Variants in PDE3A observed in about 807,000 individuals in gnomAD.
PDE3A encodes cGMP-inhibited 3',5'-cyclic phosphodiesterase 3A.
A neutral mutation model predicts 98.3 loss-of-function variants in PDE3A; 43 were observed. The observed-to-expected ratio is 0.44, with a 90% CI of 0.34 to 0.56. The LOEUF (loss-of-function observed/expected upper bound fraction) is 0.56. Ranked by LOEUF, PDE3A falls within the 20% of genes least tolerant of loss-of-function variation. PDE3A has a pLI of 0.01. For synonymous variants in PDE3A, 663 were observed against 567.9 expected (o/e 1.17, Z -2.38); for missense variants, 1,427 against 1,440.7 (o/e 0.99, Z 0.15).
rs748938027 is a variant in PDE3A, at chr12:20,370,234, C to T, written c.950C>T (p.Pro317Leu). Residue 317 changes from proline to leucine, a missense_variant, in exon 1 of 16, where the codon CCG becomes CTG. Around this residue, in one of 3 missense-constraint regions of PDE3A, gnomAD observed 1,012 missense variants for 886.5 expected, o/e 1.14. Coordinates refer to ENST00000359062, the MANE Select transcript of PDE3A (RefSeq NM_000921.5). ...CGGAGGACCTCCCTGCCCTGTATAC[C>T]GAGGGAACAGGTAAGCACTGGCAAC... Reference protein sequence around the residue: ...SHRRTSLPCIPREQLMGHSEW... With the variant: ...SHRRTSLPCILREQLMGHSEW... 3 of 1,557,500 alleles carry T rather than the reference C, an allele frequency of 1.9e-6. No homozygotes were observed. The highest frequency in any genetic ancestry group is 2.7e-5 in the African/African-American group (2 of 72,752).
intron 1 of PDE3A, among the ~76,000 whole-genome samples, chr12:20,531,165 C>G (rs1239732342): frequency 6.6e-6 from 1 of 152,114 alleles, no homozygotes; most frequent in Middle Eastern, 3.2e-3. Context: ...CGAAATTGTT[C>G]CATTTATTCT....
chr12:20,635,157 A>G (rs1274446220), intron 8 of PDE3A, 101 bp downstream of exon 8: 10 of 1,082,226 alleles, frequency 9.2e-6, no homozygotes, highest in Middle Eastern at 2.1e-4. Context: ...AAGGTGGCTC[A>G]CACCTGTAAT....
At chr12:20,504,426 A>C (rs1946078703) in intron 1 of PDE3A, among the ~76,000 whole-genome samples, 1 of 152,132 alleles carries the variant, frequency 6.6e-6, no homozygotes. Flanking sequence ...TATTCTTCTA[A>C]GATGACTGTA....
At chr12:20,605,954 ATTAAG>A (rs375692808) in intron 2 of PDE3A, among the ~76,000 whole-genome samples, 88 of 152,316 alleles carry the variant, frequency 5.8e-4, no homozygotes, top group African/African-American at 1.3e-3. Flanking sequence ...AGCCTATTTA[ATTAAG>A]TTATCAATTT....
chr12:20,421,984 A>G (rs57818090), intron 1 of PDE3A, among the ~76,000 whole-genome samples: 5,460 of 152,248 alleles, frequency 0.036, 332 homozygotes, highest in African/African-American at 0.12. Flanking sequence ...TTTCCTCTAT[A>G]AGAATAATTG....
intron 2 of PDE3A, among the ~76,000 whole-genome samples, chr12:20,596,380 C>G (rs768177403): frequency 5.3e-5 from 8 of 152,096 alleles, no homozygotes; most frequent in Non-Finnish European, 1.2e-4. Context: ...CGCTAAATGT[C>G]TTGGTGAGCC....
chr12:20,635,129 G>T, intron 8 of PDE3A, 73 bp downstream of exon 8: 2 of 1,375,406 alleles, frequency 1.5e-6, no homozygotes, highest in African/African-American at 2.9e-5. Flanking sequence ...GCTCAGAAAT[G>T]AATCTTTGAG....
intron 1 of PDE3A, among the ~76,000 whole-genome samples, chr12:20,433,409 T>C (rs903138350): frequency 3.9e-5 from 6 of 152,192 alleles, no homozygotes; most frequent in Non-Finnish European, 5.9e-5. Flanking sequence ...CTATAGGATA[T>C]GAAAGTGGCA....
intron 1 of PDE3A, among the ~76,000 whole-genome samples, chr12:20,407,616 A>G (rs1944256110): frequency 6.6e-6 from 1 of 152,202 alleles, no homozygotes; most frequent in Admixed American, 6.5e-5. Flanking sequence ...GATGGGGTAG[A>G]TGCAAGAAGA....
At position 20,596,054 on chromosome 12, in the gene PDE3A, CT is replaced by C. The variant is rs950434026; in HGVS notation, c.1012-17383del. On this transcript the variant is annotated intron_variant, in intron 2 of 15. Transcript: ENST00000359062. ...AGATTATTTTTGAATTCATTTTGTC[CT>C]TTTTTGCATAGATCTTTGTCTTAAA... Among the ~76,000 whole-genome samples the C allele has an allele frequency of 5.3e-5, 8 of 151,752 alleles. No homozygotes were observed. The South Asian group carries it at 8.3e-4, about 16-fold the overall frequency.
At chr12:20,639,104 A>G (rs1228835667) in intron 9 of PDE3A, among the ~76,000 whole-genome samples, 1 of 152,042 alleles carries the variant, frequency 6.6e-6, no homozygotes, top group Non-Finnish European at 1.5e-5. Flanking sequence ...TTATGATAGC[A>G]GTCAGTTTTA....
At chr12:20,422,340 T>G (rs1236526178) in intron 1 of PDE3A, among the ~76,000 whole-genome samples, 1 of 150,370 alleles carries the variant, frequency 6.7e-6, no homozygotes, top group Non-Finnish European at 1.5e-5. Context: ...CGAGACTCTG[T>G]CTCAAAAAAA....
chr12:20,371,475 A>G, intron 1 of PDE3A: 2 of 980,624 alleles, frequency 2.0e-6, no homozygotes, highest in Non-Finnish European at 2.4e-6. Context: ...CCTAAGATAA[A>G]GTAAGCTTTT....
Position 20,528,749 on chromosome 12 carries a change from G to A in PDE3A, c.961-27911G>A, listed in dbSNP as rs754967940. On this transcript the variant is annotated intron_variant, in intron 1 of 15. Transcript: ENST00000359062. ...TTGCAGAGCACATATTATGACAGACGCTAGGGGTATAACATCTAGCAAATA... is the reference window on the plus strand; with the variant it reads ...TTGCAGAGCACATATTATGACAGACACTAGGGGTATAACATCTAGCAAATA... Among the ~76,000 whole-genome samples, 6 of 152,174 alleles carry A rather than the reference G, an allele frequency of 3.9e-5. No homozygotes were observed. The South Asian group carries it at 6.2e-4, about 16-fold the overall frequency.
At chr12:20,413,289 A>G (rs954880205) in intron 1 of PDE3A, among the ~76,000 whole-genome samples, 1 of 152,190 alleles carries the variant, frequency 6.6e-6, no homozygotes, top group Non-Finnish European at 1.5e-5. Flanking sequence ...GAGTTTTCCA[A>G]AAAGCATGTG....
chr12:20,495,645 C>T (rs1198746581), intron 1 of PDE3A, among the ~76,000 whole-genome samples: 1 of 152,074 alleles, frequency 6.6e-6, no homozygotes, highest in Non-Finnish European at 1.5e-5. Flanking sequence ...CGACTTTTCC[C>T]TACTACAATT....
intron 1 of PDE3A, among the ~76,000 whole-genome samples, chr12:20,508,671 T>G (rs900601808): frequency 1.3e-5 from 2 of 152,022 alleles, no homozygotes; most frequent in African/African-American, 4.8e-5. Context: ...ATGAAGCGGT[T>G]AGAATATGGT....
At chr12:20,539,567 TTAA>T (rs1941842197) in intron 1 of PDE3A, among the ~76,000 whole-genome samples, 1 of 152,160 alleles carries the variant, frequency 6.6e-6, no homozygotes, top group Non-Finnish European at 1.5e-5. Flanking sequence ...TTTTGTTCAC[TTAA>T]TAAAACCCAG....
chr12:20,554,377 A>AC (rs1388932994), intron 1 of PDE3A, among the ~76,000 whole-genome samples: 1 of 144,090 alleles, frequency 6.9e-6, no homozygotes, highest in African/African-American at 2.5e-5. Flanking sequence ...AAAAAATAAA[A>AC]AAAATAAAAA....
Sources: allele counts gnomAD v4.1 joint callset (sites outside exome capture counted in the v4.1 genomes callset), GRCh38; gene constraint gnomAD v4.1.1; regional missense constraint gnomAD v4.1.1; transcripts MANE v1.5; gene names NCBI Gene and HGNC (gene_info 2026-07-23, HGNC 2026-07-21).